The following PALM3 variants were observed in gnomAD, a reference collection of about 807,000 sequenced individuals.
PALM3 encodes paralemmin-3.
Under a neutral mutation model 27.9 loss-of-function variants are expected in PALM3, and 20 were observed. The observed-to-expected ratio is 0.72, with a 90% CI of 0.50 to 1.04. The LOEUF is 1.04. Ranked by LOEUF, PALM3 falls within the 50% of genes least tolerant of loss-of-function variation. PALM3 has a pLI of 0.00. For synonymous variants in PALM3, 328 were observed against 352.7 expected (o/e 0.93, Z 0.79); for missense variants, 814 against 869.4 (o/e 0.94, Z 0.80).
At chr19:14,057,977 A>G (rs1291001685) in intron 2 of PALM3, among the ~76,000 whole-genome samples, 1 of 152,090 alleles carries the variant, frequency 6.6e-6, no homozygotes, top group African/African-American at 2.4e-5. Flanking sequence ...GCGTGGTAGC[A>G]GGCGCCTGTA....
At chr19:14,058,554 G>T (rs1019712625) in intron 2 of PALM3, among the ~76,000 whole-genome samples, 19 of 151,878 alleles carry the variant, frequency 1.3e-4, no homozygotes, top group Non-Finnish European at 1.5e-5. Context: ...TAGAGGTGGG[G>T]ATCAGGGAGA....
chr19:14,057,636 A>T, intron 2 of PALM3: 5 of 34,604 alleles, frequency 1.4e-4, no homozygotes, highest in Non-Finnish European at 2.4e-4. Context: ...CGGCGGGCGG[A>T]GTGGGGGGGG....
intron 2 of PALM3, among the ~76,000 whole-genome samples, chr19:14,058,063 G>A (rs1366667370): frequency 6.6e-6 from 1 of 152,088 alleles, no homozygotes; most frequent in Non-Finnish European, 1.5e-5. Flanking sequence ...AGCGGAGATC[G>A]CGCCACTGCA....
intron 5 of PALM3, 134 bp downstream of exon 5, chr19:14,056,295 A>G: frequency 1.1e-6 from 1 of 881,680 alleles, no homozygotes; most frequent in Non-Finnish European, 1.8e-6. Context: ...AGCAAAGTAA[A>G]AGCGGGAAGC....
chr19:14,061,899 A>G, intron 1 of PALM3, 41 bp downstream of exon 1: 1 of 979,986 alleles, frequency 1.0e-6, no homozygotes, highest in Non-Finnish European at 1.2e-6. Context: ...GCCCCTCCCA[A>G]GGCCCTGCCC....
chr19:14,061,178 C>T (rs1401162645), intron 1 of PALM3, among the ~76,000 whole-genome samples: 2 of 152,188 alleles, frequency 1.3e-5, no homozygotes, highest in African/African-American at 4.8e-5. Context: ...GATGTAATCT[C>T]CCTGCCTCTT....
rs1173724839 is a variant in PALM3, at chr19:14,054,681, T to C, written c.991A>G (p.Ile331Val). ...CCCTGGGGCACATCTTCCCCTTCTA[T>C]GGAAGCTGCTGCCTCTAATCTCTCC... ...LQERLEAAAS[I>V]EGEDVPQGSP... Residue 331 changes from isoleucine (I) to valine (V), a missense_variant, in exon 7 of 7, where the codon ATA becomes GTA. By Grantham distance (29) the Ile-to-Val change is conservative. Coordinates refer to ENST00000669674, the MANE Select transcript of PALM3 (RefSeq NM_001145028.2). 2 of 1,551,424 alleles carry C rather than the reference T, an allele frequency of 1.3e-6. No homozygotes were observed. The highest frequency in any genetic ancestry group is 2.4e-5 in the South Asian group (2 of 84,018).
chr19:14,057,464 C>A, intron 2 of PALM3, 33 bp from the exon 3 acceptor site: 1 of 1,492,068 alleles, frequency 6.7e-7, no homozygotes. Context: ...TGCCCGCCGG[C>A]CGGGCGCGGC....
chr19:14,054,362 A>G lies in PALM3; in HGVS notation c.1310T>C (p.Val437Ala). The G allele has an allele frequency of 3.9e-6, 6 of 1,550,348 alleles. No individual in the cohort carries two copies. Among genetic ancestry groups the G allele is most frequent in the Non-Finnish European group, 5.2e-6 (6 of 1,146,568 alleles). The change falls in exon 7 of 7, where the codon GTG (valine) becomes GCG (alanine). Residue 437 changes from valine to alanine, a missense_variant. Transcript: ENST00000669674. ...TGRDEAEMSP[V>A]VERKGGEKKL... ...CTTCTCTCCTCCTTTCCTCTCTACC[A>G]CTGGTGACATCTCCGCTTCATCCCT...
At position 14,057,331 on chromosome 19, in the gene PALM3, C is replaced by G. The variant is rs568926903; in HGVS notation, c.171+20G>C. On this transcript the variant is annotated intron_variant, in intron 3 of 6. Transcript: ENST00000669674. The stretch of plus-strand genomic sequence containing the variant: ...CACTCCATTCCCCAGGCTAGGCAGG[C>G]GCCCCCGCCCGCCCCCAACCTTGAG... The G allele has an allele frequency of 2.6e-6, 4 of 1,526,106 alleles. No homozygotes were observed. In the East Asian group the frequency reaches 1.0e-4, roughly 39 times the overall value. 94.5% of individuals were successfully genotyped at this position (1,526,106 alleles called of 1,614,324 possible). A position where few individuals can be genotyped will look rare whatever the true frequency, so the allele number is the denominator to read the frequency against.
At position 14,053,645 on chromosome 19, in the gene PALM3, C is replaced by A. The variant is rs2145700179; in HGVS notation, c.2027G>T (p.Gly676Val). The stretch of plus-strand genomic sequence containing the variant: ...ACACTGGCACGTCTTTTGCTTAGGG[C>A]CACTTGCCTCTTCACCCTCGGTGGG... Reference protein sequence around the residue: ...SAPTEGEEASGPKQKTCQCCA... With the variant: ...SAPTEGEEASVPKQKTCQCCA... The change falls in exon 7 of 7, where the codon GGC becomes GTC. Residue 676 changes from glycine to valine, a missense_variant. Physicochemically the swap from Gly to Val is moderately radical, Grantham distance 109 (BLOSUM62 -3). Coordinates refer to ENST00000669674, the MANE Select transcript of PALM3 (RefSeq NM_001145028.2). The A allele has an allele frequency of 4.8e-6, 7 of 1,466,588 alleles. No homozygotes were observed. Among genetic ancestry groups the A allele is most frequent in the African/African-American group, 1.4e-5 (1 of 70,054 alleles). 90.8% of individuals were successfully genotyped at this position (1,466,588 alleles called of 1,614,324 possible). A position where few individuals can be genotyped will look rare whatever the true frequency, so the allele number is the denominator to read the frequency against.
chr19:14,057,696 C>A (rs1488285791), intron 2 of PALM3: 1 of 174,718 alleles, frequency 5.7e-6, no homozygotes, highest in African/African-American at 2.8e-5. Flanking sequence ...GAGGCCTCGC[C>A]CGCGCCCAAT....
Position 14,054,063 on chromosome 19 carries a change from C to T in PALM3, c.1609G>A (p.Gly537Ser). 6.4e-7 allele frequency: 1 copy of T among 1,551,744 alleles called. No individual in the cohort carries two copies. Among genetic ancestry groups the T allele is most frequent in the East Asian group, 2.4e-5 (1 of 40,928 alleles). Reference protein sequence around the residue: ...EETLEAEKRGGEESLETEKTQ... With the variant: ...EETLEAEKRGSEESLETEKTQ... ...TTCTCTGTCTCCAATGATTCCTCAC[C>T]TCCCCTTTTCTCTGCCTCCAGTGTC... is the stretch of plus-strand genomic sequence containing the variant. The change falls in exon 7 of 7, where the codon GGT becomes AGT. Residue 537 changes from glycine (G) to serine (S), a missense_variant. Transcript: ENST00000669674.
rs1186380961 is a variant in PALM3 at position 14,054,656 on chromosome 19, C to A, written c.1016G>T (p.Gly339Val). Residue 339 changes from glycine (G) to valine (V), a missense_variant, in exon 7 of 7, where the codon GGC becomes GTC. By Grantham distance (109) the Gly-to-Val change is moderately radical (BLOSUM62 -3). Transcript: ENST00000669674. ...TCCCTGCCCATCACCCTCAGGGCTG[C>A]CCTGGGGCACATCTTCCCCTTCTAT... is the stretch of plus-strand genomic sequence containing the variant. ...ASIEGEDVPQ[G>V]SPEGDGQGGS... The A allele has an allele frequency of 6.4e-7, 1 of 1,551,246 alleles. No homozygotes were observed. Among genetic ancestry groups the A allele is most frequent in the East Asian group, 2.4e-5 (1 of 40,922 alleles).
Position 14,055,008 on chromosome 19 carries a change from C to T in PALM3, c.664G>A (p.Gly222Arg). 1 of 1,549,018 alleles carries T rather than the reference C, an allele frequency of 6.5e-7. No homozygotes were observed. Among genetic ancestry groups the T allele is most frequent in the Non-Finnish European group, 8.7e-7 (1 of 1,145,542 alleles). ...CCTCCTTTGGCCTCACCCACCCGCCCTTCGGATGGCACTGCCCTCTGACTT... is the reference window on the plus strand; with the variant it reads ...CCTCCTTTGGCCTCACCCACCCGCCTTTCGGATGGCACTGCCCTCTGACTT... Reference protein sequence around the residue: ...GLSQRAVPSEGRVGEAKGGGV... With the variant: ...GLSQRAVPSERRVGEAKGGGV... The change falls in exon 7 of 7, where the codon GGG becomes AGG. Residue 222 changes from glycine (G) to arginine (R), a missense_variant. Physicochemically the swap from Gly to Arg is moderately radical, Grantham distance 125 (BLOSUM62 -2). Coordinates refer to ENST00000669674, the MANE Select transcript of PALM3 (RefSeq NM_001145028.2).
intron 1 of PALM3, among the ~76,000 whole-genome samples, chr19:14,059,892 C>A (rs112848212): frequency 7.4e-4 from 112 of 152,214 alleles, no homozygotes; most frequent in African/African-American, 2.6e-3. Flanking sequence ...AGGTTTAACT[C>A]GAGATTCCCC....
In PALM3 at chr19:14,056,765, C is replaced by A; in HGVS notation, c.211G>T (p.Ala71Ser). Reference protein sequence around the residue: ...LRERWLMDGAAAVPEPSEDPT... With the variant: ...LRERWLMDGASAVPEPSEDPT... ...TCTTCGGATGGCTCTGGCACTGCAG[C>A]TGCCCCATCCATTAGCCAACGTTCC... The change falls in exon 4 of 7, where the codon GCT becomes TCT. Residue 71 changes from alanine to serine, a missense_variant. Coordinates refer to ENST00000669674, the MANE Select transcript of PALM3 (RefSeq NM_001145028.2). The A allele has an allele frequency of 6.4e-7, 1 of 1,551,266 alleles. No homozygotes were observed. Among genetic ancestry groups the A allele is most frequent in the South Asian group, 1.2e-5 (1 of 84,020 alleles).
chr19:14,056,609 G>A, intron 4 of PALM3, 53 bp downstream of exon 4: 5 of 1,551,584 alleles, frequency 3.2e-6, no homozygotes, highest in African/African-American at 2.7e-5. Context: ...CCAGGGTCTC[G>A]ATCTCACCCA....
At position 14,057,424 on chromosome 19, in the gene PALM3, C is replaced by G; in HGVS notation, c.98G>C (p.Arg33Pro). 1 of 1,540,402 alleles carries G rather than the reference C, an allele frequency of 6.5e-7. No individual in the cohort carries two copies. The highest frequency in any genetic ancestry group is 8.7e-7 in the Non-Finnish European group (1 of 1,144,320). Reference protein sequence around the residue: ...RQRLEVIAEKRRLQEEIRAAR... With the variant: ...RQRLEVIAEKPRLQEEIRAAR... ...GGCGCGGATCTCCTCCTGCAGCCGC[C>G]GCTTCTCCTGCGCACAGAGGACCCG... The change falls in exon 3 of 7, where the codon CGG (arginine) becomes CCG (proline). Residue 33 changes from arginine to proline, a missense_variant. Transcript: ENST00000669674.
Sources: gnomAD v4.1 joint callset for allele counts (sites outside exome capture counted in the v4.1 genomes callset) on GRCh38, gnomAD v4.1.1 for gene constraint, MANE v1.5 for transcripts, NCBI Gene and HGNC (gene_info 2026-07-23, HGNC 2026-07-21) for gene names.